Variants in CUEDC1 observed in about 807,000 individuals in gnomAD.
The protein encoded by CUEDC1 is CUE domain-containing protein 1.
In CUEDC1, 30 loss-of-function variants were observed where a neutral mutation model predicts 43.7. The ratio of observed to expected loss-of-function variants is 0.69; its 90% CI spans 0.51 to 0.93. The LOEUF (loss-of-function observed/expected upper bound fraction) is 0.93. Among genes scored for constraint, CUEDC1 ranks in the 40% least tolerant of loss-of-function variants. The pLI is 0.00. For synonymous variants in CUEDC1, 223 were observed against 223.6 expected, an observed-to-expected ratio of 1.00 and a Z score of 0.02; for missense variants, 486 against 549.0, an observed-to-expected ratio of 0.89 and a Z score of 1.15.
chr17:57,882,160 C>A (rs2074215371), intron 2 of CUEDC1, among the ~76,000 whole-genome samples: 1 of 152,114 alleles, frequency 6.6e-6, no homozygotes, highest in South Asian at 2.1e-4. Flanking sequence ...TCGGGCCAGC[C>A]CACCATCCAT....
chr17:57,871,349 G>C lies in CUEDC1; in HGVS notation c.805C>G (p.Gln269Glu), dbSNP rs770586529. Residue 269 changes from glutamine to glutamate, a missense_variant, in exon 6 of 11, where the codon CAG becomes GAG. By Grantham distance (29) the Gln-to-Glu change is conservative (BLOSUM62 2). Transcript: ENST00000577830. Reference protein sequence around the residue: ...LERDRLKYESQKSKSSSVAVG... With the variant: ...LERDRLKYESEKSKSSSVAVG... ...GCCACGCTGCTGGATTTAGATTTCT[G>C]GGATTCGTATTTCAATCGATCTGGA... 4 of 1,613,816 alleles carry C rather than the reference G, an allele frequency of 2.5e-6. No homozygotes were observed. Among genetic ancestry groups the C allele is most frequent in the Non-Finnish European group, 2.5e-6 (3 of 1,179,970 alleles).
intron 1 of CUEDC1, among the ~76,000 whole-genome samples, chr17:57,921,579 C>T (rs1203259646): frequency 6.6e-6 from 1 of 152,182 alleles, no homozygotes; most frequent in African/African-American, 2.4e-5. Flanking sequence ...ATGTCTGGCC[C>T]ATTTGCTTTG....
At chr17:57,898,547 G>A (rs952309355) in intron 1 of CUEDC1, among the ~76,000 whole-genome samples, 43 of 152,126 alleles carry the variant, frequency 2.8e-4, no homozygotes, top group African/African-American at 9.4e-4. Flanking sequence ...CTCAGATGGC[G>A]CTCCTGCAGG....
intron 1 of CUEDC1, among the ~76,000 whole-genome samples, chr17:57,891,172 GC>G (rs1459030409): frequency 6.6e-6 from 1 of 152,154 alleles, no homozygotes; most frequent in Non-Finnish European, 1.5e-5. Flanking sequence ...CACTCATACA[GC>G]CTTCTTGCTG....
intron 1 of CUEDC1, among the ~76,000 whole-genome samples, chr17:57,901,421 C>T (rs1157759928): frequency 6.6e-6 from 1 of 152,236 alleles, no homozygotes; most frequent in Non-Finnish European, 1.5e-5. Flanking sequence ...TACCTTACCT[C>T]TGGCTCTAGG....
At chr17:57,908,139 C>T (rs2074547563) in intron 1 of CUEDC1, among the ~76,000 whole-genome samples, 1 of 152,092 alleles carries the variant, frequency 6.6e-6, no homozygotes, top group South Asian at 2.1e-4. Context: ...TCACTGCAAT[C>T]TCCACCTCCC....
chr17:57,922,176 A>T (rs1339671785), intron 1 of CUEDC1, among the ~76,000 whole-genome samples: 1 of 152,150 alleles, frequency 6.6e-6, no homozygotes, highest in East Asian at 1.9e-4. Flanking sequence ...GCTCATCTGG[A>T]GGGTGTGGAG....
chr17:57,937,071 G>A (rs769638303), intron 1 of CUEDC1, among the ~76,000 whole-genome samples: 2 of 151,726 alleles, frequency 1.3e-5, no homozygotes, highest in African/African-American at 2.4e-5. Context: ...TGCCCACCTC[G>A]GCCTCCCAAA....
At chr17:57,920,834 G>A (rs932001323) in intron 1 of CUEDC1, among the ~76,000 whole-genome samples, 2 of 151,750 alleles carry the variant, frequency 1.3e-5, no homozygotes, top group African/African-American at 2.4e-5. Context: ...ACAGGGTTTC[G>A]CCATGTTGGC....
chr17:57,932,922 T>C (rs1387736701), intron 1 of CUEDC1, among the ~76,000 whole-genome samples: 2 of 151,762 alleles, frequency 1.3e-5, no homozygotes, highest in South Asian at 2.1e-4. Flanking sequence ...TTAGGCACTA[T>C]TGACATTTGG....
chr17:57,926,562 G>A (rs958114032), intron 1 of CUEDC1, among the ~76,000 whole-genome samples: 4 of 152,154 alleles, frequency 2.6e-5, no homozygotes, highest in African/African-American at 9.7e-5. Context: ...GGAGGCTGAG[G>A]TGAGTGGATC....
chr17:57,937,502 T>C (rs995459341), intron 1 of CUEDC1, among the ~76,000 whole-genome samples: 14 of 151,570 alleles, frequency 9.2e-5, no homozygotes, highest in Non-Finnish European at 1.8e-4. Context: ...TCCCAGCTAC[T>C]CAGGAGGCTG....
At chr17:57,932,787 A>G (rs1272516736) in intron 1 of CUEDC1, among the ~76,000 whole-genome samples, 1 of 151,496 alleles carries the variant, frequency 6.6e-6, no homozygotes, top group Non-Finnish European at 1.5e-5. Flanking sequence ...GCTTGAACCC[A>G]GGAGGCAGAG....
chr17:57,904,161 A>G (rs2074503345), intron 1 of CUEDC1, among the ~76,000 whole-genome samples: 2 of 152,028 alleles, frequency 1.3e-5, no homozygotes, highest in Non-Finnish European at 2.9e-5. Context: ...AGCTCTAGGA[A>G]GACTGCCTTC....
chr17:57,911,890 G>A (rs559873209), intron 1 of CUEDC1, among the ~76,000 whole-genome samples: 1 of 152,322 alleles, frequency 6.6e-6, no homozygotes, highest in Admixed American at 6.5e-5. Context: ...TGTCCCAGGT[G>A]AACTGAATCT....
chr17:57,868,109 G>C, intron 8 of CUEDC1, 41 bp downstream of exon 8: 2 of 1,545,832 alleles, frequency 1.3e-6, no homozygotes, highest in Non-Finnish European at 1.8e-6. Flanking sequence ...CATGGCCCTT[G>C]GCTTCCACCA....
chr17:57,875,417 G>T (rs946484577), intron 3 of CUEDC1, among the ~76,000 whole-genome samples: 47 of 152,278 alleles, frequency 3.1e-4, no homozygotes, highest in African/African-American at 1.1e-3. Flanking sequence ...TTGCTGCTAG[G>T]CCTGTGGTCC....
At chr17:57,939,727 G>A (rs2074898756) in intron 1 of CUEDC1, among the ~76,000 whole-genome samples, 1 of 152,102 alleles carries the variant, frequency 6.6e-6, no homozygotes. Flanking sequence ...GTAGACAGCT[G>A]ATCCACACAA....
intron 1 of CUEDC1, among the ~76,000 whole-genome samples, chr17:57,932,698 C>T (rs990381189): frequency 8.6e-5 from 13 of 150,326 alleles, no homozygotes; most frequent in Non-Finnish European, 1.6e-4. Context: ...CCCATCTCTA[C>T]TAAAAATACA....
Sources: allele counts gnomAD v4.1 joint callset (sites outside exome capture counted in the v4.1 genomes callset), GRCh38; gene constraint gnomAD v4.1.1; transcripts MANE v1.5; gene names NCBI Gene and HGNC (gene_info 2026-07-23, HGNC 2026-07-21).